The following LTF variants were observed in gnomAD, a reference collection of about 807,000 sequenced individuals.
LTF encodes lactotransferrin.
In LTF, 91 loss-of-function variants were observed where a neutral mutation model predicts 87.2. The ratio of observed to expected loss-of-function variants is 1.04; its 90% confidence interval spans 0.88 to 1.24. The LOEUF (loss-of-function observed/expected upper bound fraction) is 1.24, where lower values mean the gene tolerates loss of function less well. Among genes scored for constraint, LTF ranks in the 50% most tolerant of loss-of-function variants. The pLI is 0.00. For synonymous variants in LTF, 378 were observed against 356.1 expected (o/e 1.06, Z -0.69); for missense variants, 901 against 904.3 (o/e 1.00, Z 0.05).
chr3:46,468,411 T>C (rs1308351077), upstream of LTF: 3 of 440,122 alleles, frequency 6.8e-6, no homozygotes, highest in Non-Finnish European at 1.4e-5. Context: ...GAAACTGCCA[T>C]GCAGTGGCAA....
intron 1 of LTF, among the ~76,000 whole-genome samples, chr3:46,482,527 AG>A (rs1559614470): frequency 0.066 from 5,017 of 76,484 alleles, 711 homozygotes; most frequent in South Asian, 0.13. Flanking sequence ...AGGGAAGGGA[AG>A]GGAAGGGAAG....
chr3:46,438,018 C>T lies in LTF; in HGVS notation c.2020G>A (p.Gly674Ser). 1 of 1,613,896 alleles carries T rather than the reference C, an allele frequency of 6.2e-7. No homozygotes were observed. The highest frequency in any genetic ancestry group is 1.1e-5 in the South Asian group (1 of 91,062). ...AAATATTTTTCATATGTTGTTTTGC[C>T]ATGGAGTCTGGCCAGACACTCAGTG... ...DNTECLARLHGKTTYEKYLGP... is the reference protein window; with the variant it reads ...DNTECLARLHSKTTYEKYLGP... Residue 674 changes from glycine (G) to serine (S), a missense_variant, in exon 16 of 17, where the codon GGC becomes AGC. Transcript: ENST00000231751.
chr3:46,447,961 A>C (rs1392037837), intron 9 of LTF, among the ~76,000 whole-genome samples: 1 of 152,180 alleles, frequency 6.6e-6, no homozygotes, highest in African/African-American at 2.4e-5. Flanking sequence ...TCTACTCAAG[A>C]ATGCTCACCA....
intron 6 of LTF, among the ~76,000 whole-genome samples, chr3:46,451,551 T>C (rs911025122): frequency 1.3e-5 from 2 of 152,196 alleles, no homozygotes; most frequent in Admixed American, 1.3e-4. Flanking sequence ...TGTGTGTGGT[T>C]TTTTTTTCAG....
chr3:46,464,463 T>A (rs1452547709), intron 1 of LTF, among the ~76,000 whole-genome samples: 3 of 152,214 alleles, frequency 2.0e-5, no homozygotes, highest in Non-Finnish European at 4.4e-5. Context: ...CTAGGGTCCT[T>A]GAGCTAGTCG....
chr3:46,455,263 G>A (rs773344601), intron 5 of LTF, 32 bp downstream of exon 5: 1 of 1,613,518 alleles, frequency 6.2e-7, no homozygotes, highest in Non-Finnish European at 8.5e-7. Flanking sequence ...GGGACACTTG[G>A]CCACTGACGA....
chr3:46,478,240 G>A (rs1703386566), intron 1 of LTF, among the ~76,000 whole-genome samples: 1 of 152,098 alleles, frequency 6.6e-6, no homozygotes, highest in Non-Finnish European at 1.5e-5. Flanking sequence ...TCAGCAGCCT[G>A]GGCAGCCTCC....
chr3:46,466,018 C>T (rs1703205904), upstream of LTF, among the ~76,000 whole-genome samples: 4 of 152,232 alleles, frequency 2.6e-5, no homozygotes, highest in South Asian at 8.3e-4. Context: ...ATGGGAGGAT[C>T]GCTTGAGCCC....
At chr3:46,438,169 A>T (rs1430681273) in intron 15 of LTF, 40 bp from the exon 16 acceptor site, 1 of 1,555,046 alleles carries the variant, frequency 6.4e-7, no homozygotes, top group Non-Finnish European at 8.8e-7. Flanking sequence ...TAAGGAAAAG[A>T]GGAATTTATG....
At position 46,448,845 on chromosome 3, in the gene LTF, T is replaced by G; in HGVS notation, c.1212+18A>C. 1 of 1,610,622 alleles carries G rather than the reference T, an allele frequency of 6.2e-7. No individual in the cohort carries two copies. Among genetic ancestry groups the G allele is most frequent in the Non-Finnish European group, 8.5e-7 (1 of 1,178,958 alleles). On this transcript the variant is annotated intron_variant, in intron 9 of 16. Coordinates refer to ENST00000231751, the MANE Select transcript of LTF (RefSeq NM_002343.6). The stretch of plus-strand genomic sequence containing the variant: ...TTCCACCGGGCCCACCGCCCGCCCC[T>G]GTGATGGAGCTCCCTACCAGCACCA...
chr3:46,449,847 C>G lies in LTF; in HGVS notation c.1057+7G>C. The G allele has an allele frequency of 1.2e-6, 2 of 1,613,910 alleles. No homozygotes were observed. The highest frequency in any genetic ancestry group is 2.2e-5 in the South Asian group (2 of 91,054). ...GCGGACCTCAGGACCCTCCTGGGCT[C>G]ACTCACTTTTCCTCAAGTTCTGGAT... is the stretch of plus-strand genomic sequence containing the variant. On this transcript the variant is annotated splice_region_variant and intron_variant, in intron 8 of 16. Transcript: ENST00000231751.
intron 1 of LTF, among the ~76,000 whole-genome samples, chr3:46,482,609 GAAGA>G (rs1179613670): frequency 0.015 from 851 of 56,938 alleles, 54 homozygotes; most frequent in Non-Finnish European, 0.017. Context: ...AAGAAAGAAA[GAAGA>G]AAGAAAGAAA....
chr3:46,437,170 A>G (rs895924554), intron 16 of LTF, among the ~76,000 whole-genome samples: 7 of 152,236 alleles, frequency 4.6e-5, no homozygotes, highest in African/African-American at 1.4e-4. Context: ...CGGGAGCCTT[A>G]CAATACTCTG....
intron 4 of LTF, 116 bp downstream of exon 4, chr3:46,455,680 C>T: frequency 7.7e-7 from 1 of 1,298,552 alleles, no homozygotes; most frequent in South Asian, 1.5e-5. Flanking sequence ...GCTGGCCAGC[C>T]TCACCCCCAC....
At chr3:46,474,711 A>C (rs191081233) in intron 1 of LTF, among the ~76,000 whole-genome samples, 3 of 152,348 alleles carry the variant, frequency 2.0e-5, no homozygotes, top group Admixed American at 2.0e-4. Context: ...ACATAAAACA[A>C]ACCTCAACAA....
chr3:46,470,867 G>A (rs1476321992), intron 1 of LTF, among the ~76,000 whole-genome samples: 2 of 152,214 alleles, frequency 1.3e-5, no homozygotes, highest in Non-Finnish European at 2.9e-5. Flanking sequence ...TCCACCGTAT[G>A]AGGTGGGTAG....
intron 1 of LTF, among the ~76,000 whole-genome samples, chr3:46,484,448 T>C (rs1410850530): frequency 1.3e-5 from 2 of 152,152 alleles, no homozygotes; most frequent in Non-Finnish European, 2.9e-5. Flanking sequence ...TGGGGCAAGA[T>C]GAAACTGAGG....
chr3:46,459,426 T>A (rs1159302399), intron 2 of LTF, among the ~76,000 whole-genome samples: 10 of 152,238 alleles, frequency 6.6e-5, no homozygotes, highest in Admixed American at 5.9e-4. Context: ...ATAACAGTTG[T>A]TATTATAGTT....
In LTF at chr3:46,482,536, AAGGGAAGGG is replaced by A. The variant is rs1559614491; in HGVS notation, c.-320+2441_-320+2449del. Among the ~76,000 whole-genome samples, 3 of 89,694 alleles carry A rather than the reference AAGGGAAGGG, an allele frequency of 3.3e-5. 1 individual carries two copies. The allele number at this position is 89,694 out of a possible 152,430, so 58.8% of individuals were successfully genotyped here. On this transcript the variant is annotated intron_variant, in intron 1 of 19. Coordinates refer to the LTF transcript ENST00000443496. ...AAGGGAAGGGAAGGGAAGGGAAGGG[AAGGGAAGGG>A]AAGGGAAGGGAAGGGAAGGGAAGGG...
Sources: gnomAD v4.1 joint callset for allele counts (sites outside exome capture counted in the v4.1 genomes callset) on GRCh38, gnomAD v4.1.1 for gene constraint, MANE v1.5 for transcripts, NCBI Gene and HGNC (gene_info 2026-07-23, HGNC 2026-07-21) for gene names.